PUDP: variants seen among roughly 807,000 people sequenced by gnomAD.
The protein encoded by PUDP is pseudouridine 5'-phosphatase.
In PUDP, 8 loss-of-function variants were observed where a neutral mutation model predicts 9.4. The observed-to-expected ratio is 0.85, with a 90% CI of 0.50 to 1.53. The LOEUF is 1.53. PUDP is among the 40% of genes most tolerant of loss of function. The pLI, the probability that PUDP is intolerant of heterozygous loss-of-function variation, is 0.00. For synonymous variants in PUDP, 99 were observed against 80.7 expected, an observed-to-expected ratio of 1.23 and a Z score of -1.22; for missense variants, 188 against 189.7, an observed-to-expected ratio of 0.99 and a Z score of 0.05.
At chrX:6,978,926 C>G (rs1433333935) in intron 1 of PUDP, among the ~76,000 whole-genome samples, 1 of 112,067 alleles carries the variant, frequency 8.9e-6, no homozygotes, top group Non-Finnish European at 1.9e-5. Flanking sequence ...CTAATAGAAT[C>G]CTTGCTTCTT....
At chrX:6,912,555 C>T (rs1927864475) in intron 3 of PUDP, among the ~76,000 whole-genome samples, 1 of 112,006 alleles carries the variant, frequency 8.9e-6, no homozygotes, top group Non-Finnish European at 1.9e-5. Flanking sequence ...CCTTCAGAAT[C>T]ACCATCTCTA....
chrX:6,720,287 TACACACAC>T (rs1555907538), intron 1 of PUDP, among the ~76,000 whole-genome samples: 1 of 83,125 alleles, frequency 1.2e-5, no homozygotes, highest in African/African-American at 5.0e-5. Context: ...TATATATATA[TACACACAC>T]ACACATAAAT....
intron 3 of PUDP, among the ~76,000 whole-genome samples, chrX:6,969,057 C>T (rs2146792127): frequency 8.9e-6 from 1 of 112,424 alleles, no homozygotes; most frequent in South Asian, 3.7e-4. Context: ...CACTAACTGC[C>T]TTCCTTATGG....
At chrX:6,742,043 A>C (rs887088833) in intron 3 of PUDP, among the ~76,000 whole-genome samples, 3 of 110,763 alleles carry the variant, frequency 2.7e-5, no homozygotes, top group East Asian at 5.7e-4. Context: ...TTGTAGAGAC[A>C]GGGTTTCACC....
chrX:6,832,651 C>G (rs1926520784), intron 3 of PUDP, among the ~76,000 whole-genome samples: 1 of 111,771 alleles, frequency 8.9e-6, no homozygotes, highest in Non-Finnish European at 1.9e-5. Context: ...ATTTTCAGAG[C>G]TGTAGGATTA....
intron 1 of PUDP, among the ~76,000 whole-genome samples, chrX:7,136,713 C>T (rs1201578073): frequency 9.7e-6 from 1 of 103,390 alleles, no homozygotes; most frequent in Non-Finnish European, 2.0e-5. Context: ...CCCCCAACCC[C>T]GCCCACTGCA....
At chrX:6,959,052 G>T (rs1928669618) in intron 3 of PUDP, among the ~76,000 whole-genome samples, 2 of 112,021 alleles carry the variant, frequency 1.8e-5, no homozygotes, top group African/African-American at 6.5e-5. Flanking sequence ...TTGGAGATTT[G>T]AAGGATTCTC....
chrX:6,932,962 C>G (rs1292321929), intron 3 of PUDP, among the ~76,000 whole-genome samples: 1,722 of 109,970 alleles, frequency 0.016, 39 homozygotes, highest in African/African-American at 0.053. Context: ...AACAAAGCAG[C>G]CGGGAAGCTC....
intron 3 of PUDP, among the ~76,000 whole-genome samples, chrX:6,903,326 ATCAG>A (rs1927718297): frequency 8.9e-6 from 1 of 111,777 alleles, no homozygotes; most frequent in Non-Finnish European, 1.9e-5. Context: ...TTTTCACTGA[ATCAG>A]TCAGTGTCTC....
chrX:6,881,977 C>CTTT (rs34092299), intron 3 of PUDP, among the ~76,000 whole-genome samples: 1 of 94,975 alleles, frequency 1.1e-5, no homozygotes, highest in Non-Finnish European at 2.1e-5. Context: ...TTTTTTTTTA[C>CTTT]TTTTTTTTTT....
chrX:6,817,626 C>T (rs1926273048), intron 3 of PUDP, among the ~76,000 whole-genome samples: 1 of 111,505 alleles, frequency 9.0e-6, no homozygotes, highest in Non-Finnish European at 1.9e-5. Context: ...CAAACGGATC[C>T]TCAAGAGCAC....
intron 1 of PUDP, among the ~76,000 whole-genome samples, chrX:7,012,963 C>T (rs983820086): frequency 9.0e-6 from 1 of 111,322 alleles, no homozygotes; most frequent in African/African-American, 3.3e-5. Flanking sequence ...AATTTCCTCC[C>T]TATGTGAGTA....
chrX:6,812,374 A>AT (rs1926158247), intron 3 of PUDP, among the ~76,000 whole-genome samples: 1 of 111,765 alleles, frequency 8.9e-6, no homozygotes, highest in Non-Finnish European at 1.9e-5. Flanking sequence ...AGTTCCAGTA[A>AT]TTTTTTTCTT....
rs12115914 is a variant in PUDP at position 7,049,753 on chromosome X, T to C, written c.*543A>G. 0.043 allele frequency: 4,822 copies of C among 112,299 alleles called. 232 individuals carry two copies. The highest frequency in any genetic ancestry group is 0.14 in the African/African-American group (4,425 of 30,819). 9.3% of individuals were successfully genotyped at this position (112,299 alleles called of 1,213,427 possible). A position where few individuals can be genotyped will look rare whatever the true frequency, so the allele number is the denominator to read the frequency against. On this transcript the variant is annotated 3_prime_UTR_variant, in exon 4 of 4. Transcript: ENST00000381077. ...ACACTGAGGAGAGTGATGCAGACGA[T>C]AGATATAAACATATCTACATACATA... is the stretch of plus-strand genomic sequence containing the variant.
chrX:7,046,263 T>C (rs901605290), downstream of PUDP, among the ~76,000 whole-genome samples: 3 of 111,628 alleles, frequency 2.7e-5, no homozygotes, highest in South Asian at 3.8e-4. Context: ...TCTGATCCAA[T>C]AGGACTGAAC....
chrX:6,802,895 AC>A (rs1569102079), intron 3 of PUDP, among the ~76,000 whole-genome samples: 11,497 of 36,219 alleles, frequency 0.32, 1,313 homozygotes, highest in East Asian at 0.54. Flanking sequence ...CTCAAAAATA[AC>A]ATAACATAAC....
chrX:6,838,949 C>G (rs1356221118), intron 3 of PUDP, among the ~76,000 whole-genome samples: 1 of 112,126 alleles, frequency 8.9e-6, no homozygotes, highest in Non-Finnish European at 1.9e-5. Context: ...CTTAAACATT[C>G]TTGAAATAGC....
intron 1 of PUDP, among the ~76,000 whole-genome samples, chrX:7,036,604 A>T (rs1020786106): frequency 9.7e-6 from 1 of 103,212 alleles, no homozygotes; most frequent in Non-Finnish European, 2.0e-5. Context: ...TCACATGCTC[A>T]TTTTTTCTTC....
intron 3 of PUDP, among the ~76,000 whole-genome samples, chrX:6,939,853 AAAAAG>A (rs1239796808): frequency 1.4e-4 from 16 of 111,296 alleles, no homozygotes; most frequent in Middle Eastern, 4.6e-3. Flanking sequence ...CTCAAAAAAA[AAAAAG>A]AAAAGAAAAG....
Sources: allele counts gnomAD v4.1 joint callset (sites outside exome capture counted in the v4.1 genomes callset), GRCh38; gene constraint gnomAD v4.1.1; transcripts MANE v1.5; gene names NCBI Gene and HGNC (gene_info 2026-07-23, HGNC 2026-07-21).